SNAP47: variants seen among roughly 807,000 people sequenced by gnomAD.
SNAP47 encodes synaptosomal-associated protein 47.
SNAP47 carries 20 observed loss-of-function variants against 31.4 expected under a neutral mutation model. The ratio of observed to expected loss-of-function variants is 0.64; its 90% CI spans 0.45 to 0.93. SNAP47 has a LOEUF of 0.93. Among genes scored for constraint, SNAP47 ranks in the 40% least tolerant of loss-of-function variants. The probability of loss-of-function intolerance (pLI) is 0.00; values close to 1 mark genes in which losing one functional copy is unlikely to be tolerated. For synonymous variants in SNAP47, 194 were observed against 213.4 expected, an observed-to-expected ratio of 0.91 and a Z score of 0.79; for missense variants, 492 against 528.5, an observed-to-expected ratio of 0.93 and a Z score of 0.68.
intron 1 of SNAP47, among the ~76,000 whole-genome samples, chr1:227,738,474 G>A (rs1401541762): frequency 6.6e-6 from 1 of 152,088 alleles, no homozygotes; most frequent in Non-Finnish European, 1.5e-5. Flanking sequence ...TCACGCACAT[G>A]TATGCACACA....
intron 4 of SNAP47, chr1:227,777,048 T>A (rs2103002072): frequency 1.0e-6 from 1 of 985,338 alleles, no homozygotes; most frequent in South Asian, 4.7e-5. Context: ...ACTATAGAAA[T>A]TTTTGCTATT....
Position 227,763,219 on chromosome 1 carries a change from T to G in SNAP47, c.988+3734T>G, listed in dbSNP as rs1663174207. Among the ~76,000 whole-genome samples, 1 of 151,856 alleles carries G rather than the reference T, an allele frequency of 6.6e-6. No homozygotes were observed. The highest frequency in any genetic ancestry group is 1.5e-5 in the Non-Finnish European group (1 of 67,970). Reference sequence around the variant, plus strand: ...ATCCTCTCACCTCAGCCTCCCAGAGTGCTGGGATTTCAGGCGTGAGCCTCT... The same window carrying G: ...ATCCTCTCACCTCAGCCTCCCAGAGGGCTGGGATTTCAGGCGTGAGCCTCT... On this transcript the variant is annotated intron_variant, in intron 3 of 4. Transcript: ENST00000617596. The surrounding 1 kb of genome is among the most constrained non-coding windows in gnomAD (Gnocchi z 4.2).
chr1:227,735,590 G>A (rs1661074760), intron 1 of SNAP47, 91 bp downstream of exon 1: 15 of 1,331,374 alleles, frequency 1.1e-5, no homozygotes, highest in South Asian at 2.1e-5. Flanking sequence ...GGCTGACACA[G>A]CCCGAGCCCT....
chr1:227,764,728 G>T (rs1003167846), intron 3 of SNAP47, among the ~76,000 whole-genome samples: 8 of 152,046 alleles, frequency 5.3e-5, no homozygotes, highest in Non-Finnish European at 1.0e-4. Flanking sequence ...ATATGGTGAA[G>T]CCCCATGTTA....
At chr1:227,768,495 T>TA (rs1362572419) in intron 4 of SNAP47, 3 of 201,822 alleles carry the variant, frequency 1.5e-5, no homozygotes, top group African/African-American at 2.4e-5. Flanking sequence ...AACCAATTCT[T>TA]ACTTTACGTG....
chr1:227,735,771 G>T (rs1661094719), intron 1 of SNAP47: 1 of 951,432 alleles, frequency 1.1e-6, no homozygotes, highest in Admixed American at 6.2e-5. Context: ...TGGGATGGTG[G>T]GATCTAGCGG....
At chr1:227,744,977 ACT>A (rs940374347) in intron 1 of SNAP47, among the ~76,000 whole-genome samples, 21 of 151,906 alleles carry the variant, frequency 1.4e-4, no homozygotes, top group Admixed American at 1.4e-3. Context: ...GGTTGCCCTG[ACT>A]CTGCACCTGT....
intron 1 of SNAP47, chr1:227,746,413 T>C (rs1465553960): frequency 6.6e-6 from 1 of 152,274 alleles, no homozygotes; most frequent in African/African-American, 2.4e-5. Flanking sequence ...CAGATGGCTG[T>C]GTCCTCATAC....
upstream of SNAP47, chr1:227,734,460 C>T: frequency 4.2e-6 from 2 of 478,790 alleles, no homozygotes; most frequent in Non-Finnish European, 7.2e-6. Flanking sequence ...GAAAAAAAAC[C>T]ATATTGACCT....
chr1:227,733,892 C>T (rs1363194786), upstream of SNAP47: 2 of 1,612,538 alleles, frequency 1.2e-6, no homozygotes, highest in Non-Finnish European at 8.5e-7. Flanking sequence ...TCCACTCCCA[C>T]ATCCGTGGCC....
chr1:227,751,211 C>T (rs1022039740), intron 2 of SNAP47, among the ~76,000 whole-genome samples: 1 of 152,176 alleles, frequency 6.6e-6, no homozygotes, highest in Non-Finnish European at 1.5e-5. Context: ...TGGGACAGGC[C>T]GTCCTATGTT....
intron 4 of SNAP47, chr1:227,775,673 G>C (rs749025742): frequency 4.0e-4 from 423 of 1,057,156 alleles, no homozygotes; most frequent in Non-Finnish European, 4.4e-4. Context: ...ACACACAGCT[G>C]CTTTGTAGGT....
Position 227,781,051 on chromosome 1 carries a change from C to A in SNAP47, c.*378C>A. ...ATAAATTTGTGAGTGAAGTTAGAGC[C>A]CAGCTCACTTAGCCAGCTCACTTTG... On this transcript the variant is annotated 3_prime_UTR_variant, in exon 5 of 5. Coordinates refer to ENST00000617596, the MANE Select transcript of SNAP47 (RefSeq NM_053052.4). The A allele has an allele frequency of 5.0e-6, 1 of 201,540 alleles. No individual in the cohort carries two copies. The highest frequency in any genetic ancestry group is 5.5e-5 in the Admixed American group (1 of 18,316). 12.5% of individuals were successfully genotyped at this position (201,540 alleles called of 1,614,324 possible). A position where few individuals can be genotyped will look rare whatever the true frequency, so the allele number is the denominator to read the frequency against.
intron 1 of SNAP47, among the ~76,000 whole-genome samples, chr1:227,745,620 A>G (rs1012971761): frequency 1.3e-5 from 2 of 152,046 alleles, no homozygotes; most frequent in Non-Finnish European, 2.9e-5. Flanking sequence ...CCCAGCCTTG[A>G]TGGTCTCAGC....
At chr1:227,733,866 C>T (rs201299891), upstream of SNAP47, 269 of 1,610,628 alleles carry the variant, frequency 1.7e-4, no homozygotes, top group African/African-American at 3.4e-3. Flanking sequence ...CGTTCTGTCA[C>T]CAGGCCCCTT....
At chr1:227,729,497 T>G (rs1309483452) in intron 1 of SNAP47, among the ~76,000 whole-genome samples, 1 of 152,084 alleles carries the variant, frequency 6.6e-6, no homozygotes, top group Non-Finnish European at 1.5e-5. Context: ...AGGGCTGAGG[T>G]TGACACTCTG....
At chr1:227,729,932 C>G (rs971531044) in intron 1 of SNAP47, among the ~76,000 whole-genome samples, 1 of 152,204 alleles carries the variant, frequency 6.6e-6, no homozygotes, top group Admixed American at 6.5e-5. Flanking sequence ...CCCACAGGTC[C>G]CACTCCCCAA....
intron 4 of SNAP47, 91 bp downstream of exon 4, chr1:227,767,174 T>C: frequency 6.5e-7 from 1 of 1,544,440 alleles, no homozygotes. Context: ...AAACAAGCTC[T>C]GGGTCATCCA....
intron 2 of SNAP47, among the ~76,000 whole-genome samples, chr1:227,751,471 C>T (rs1278229298): frequency 6.6e-6 from 1 of 152,236 alleles, no homozygotes; most frequent in Non-Finnish European, 1.5e-5. Flanking sequence ...TGCTGGTGCT[C>T]AGAGTTCTTT....
Sources: gnomAD v4.1 joint callset for allele counts (sites outside exome capture counted in the v4.1 genomes callset) on GRCh38, gnomAD v4.1.1 for gene constraint, Gnocchi (gnomAD v3.1) non-coding constraint, MANE v1.5 for transcripts, NCBI Gene and HGNC (gene_info 2026-07-23, HGNC 2026-07-21) for gene names.